The following LDLRAD4 variants were observed in gnomAD, a reference collection of about 807,000 sequenced individuals.
LDLRAD4 encodes the protein low-density lipoprotein receptor class A domain-containing protein 4.
LDLRAD4 carries 5 observed loss-of-function variants against 17.0 expected under a neutral mutation model. That is an observed-to-expected ratio of 0.29 (90% confidence interval 0.15 to 0.62). LDLRAD4 has a LOEUF of 0.62. Ranked by LOEUF, LDLRAD4 falls within the 20% of genes least tolerant of loss-of-function variation. The pLI, the probability that LDLRAD4 is intolerant of heterozygous loss-of-function variation, is 0.84. For missense variants in LDLRAD4, 340 were observed against 424.7 expected (o/e 0.80, Z 1.75); for synonymous variants, 168 against 171.8 (o/e 0.98, Z 0.17).
intron 2 of LDLRAD4, among the ~76,000 whole-genome samples, chr18:13,407,372 A>G (rs1309149133): frequency 6.6e-6 from 1 of 152,202 alleles, no homozygotes; most frequent in East Asian, 1.9e-4. Flanking sequence ...ATCCCGAGTA[A>G]ATCTACCCAG....
chr18:13,528,264 G>A (rs1411964597), intron 3 of LDLRAD4, among the ~76,000 whole-genome samples: 2 of 152,174 alleles, frequency 1.3e-5, no homozygotes, highest in Non-Finnish European at 2.9e-5. Flanking sequence ...AGCTGGAGAC[G>A]CCTTACCTGC....
chr18:13,460,617 T>G (rs531103713), intron 3 of LDLRAD4, among the ~76,000 whole-genome samples: 51 of 152,284 alleles, frequency 3.3e-4, no homozygotes, highest in South Asian at 6.2e-4. Flanking sequence ...TCATATCTGA[T>G]GAGAAGGTAG....
intron 3 of LDLRAD4, among the ~76,000 whole-genome samples, chr18:13,528,470 G>A (rs954106521): frequency 6.5e-4 from 99 of 152,182 alleles, no homozygotes; most frequent in African/African-American, 2.2e-3. Context: ...GCACCACCAC[G>A]CCTGGCTAAT....
chr18:13,423,418 G>A (rs1271022342), intron 2 of LDLRAD4, among the ~76,000 whole-genome samples: 1 of 151,908 alleles, frequency 6.6e-6, no homozygotes, highest in African/African-American at 2.4e-5. Flanking sequence ...TCTTGAACCC[G>A]GGAGGCAGAG....
At chr18:13,466,134 T>C (rs2092608333) in intron 3 of LDLRAD4, among the ~76,000 whole-genome samples, 1 of 152,202 alleles carries the variant, frequency 6.6e-6, no homozygotes. Flanking sequence ...ACACATAGTT[T>C]GCAATTAGTT....
intron 3 of LDLRAD4, among the ~76,000 whole-genome samples, chr18:13,600,708 G>C (rs1334202444): frequency 6.6e-6 from 1 of 152,158 alleles, no homozygotes; most frequent in Admixed American, 6.5e-5. Context: ...TGATAGACTG[G>C]TTTGGAAAAT....
intron 4 of LDLRAD4, among the ~76,000 whole-genome samples, chr18:13,625,720 GC>G (rs1281993711): frequency 7.9e-5 from 2 of 25,292 alleles, no homozygotes; most frequent in Non-Finnish European, 1.6e-4. Flanking sequence ...TCCTCCCCCT[GC>G]CAGCACCCTC....
chr18:13,500,913 A>C (rs892979220), intron 3 of LDLRAD4: 1 of 152,184 alleles, frequency 6.6e-6, no homozygotes, highest in African/African-American at 2.4e-5. Context: ...TCTGACCCAT[A>C]AATTATTCTA....
intron 4 of LDLRAD4, chr18:13,642,483 C>T (rs1290109196): frequency 1.6e-6 from 2 of 1,213,754 alleles, no homozygotes; most frequent in Non-Finnish European, 2.0e-6. Flanking sequence ...TCTGGCCAAA[C>T]GTTTTTGAAA....
At chr18:13,293,300 T>C (rs1379796342) in intron 1 of LDLRAD4, among the ~76,000 whole-genome samples, 1 of 152,226 alleles carries the variant, frequency 6.6e-6, no homozygotes, top group Non-Finnish European at 1.5e-5. Flanking sequence ...TTTTGCCACA[T>C]AGACGACCTG....
Position 13,645,339 on chromosome 18 carries a change from C to T in LDLRAD4, c.603C>T (p.Asn201=), listed in dbSNP as rs1484596679. ...ACCCTGAACAGCAGATGGAACTCAA[C>T]CGAGAGTCCGTGAGGGCCCCACCCA... Residue 201 remains asparagine, a synonymous_variant, in exon 6 of 6, where the codon AAC becomes AAT. Coordinates refer to ENST00000359446, the Ensembl canonical transcript of LDLRAD4. This position sits in a 1 kb window ranked among gnomAD's most constrained non-coding sequence, Gnocchi z 5.7. 3 of 1,614,228 alleles carry T rather than the reference C, an allele frequency of 1.9e-6. No individual in the cohort carries two copies. Among genetic ancestry groups the T allele is most frequent in the Admixed American group, 1.7e-5 (1 of 60,030 alleles).
chr18:13,359,888 T>C (rs1307723248), intron 1 of LDLRAD4, among the ~76,000 whole-genome samples: 1 of 152,282 alleles, frequency 6.6e-6, no homozygotes, highest in Non-Finnish European at 1.5e-5. Context: ...GACGCTGTTC[T>C]TGGCTTATGT....
intron 3 of LDLRAD4, among the ~76,000 whole-genome samples, chr18:13,575,252 A>G (rs1428167540): frequency 3.3e-5 from 5 of 152,070 alleles, no homozygotes; most frequent in Non-Finnish European, 7.4e-5. Flanking sequence ...TGAGTCCCCA[A>G]AGTCCATTGT....
chr18:13,366,375 G>A (rs898934629), intron 1 of LDLRAD4: 2 of 152,194 alleles, frequency 1.3e-5, no homozygotes, highest in African/African-American at 4.8e-5. Flanking sequence ...GGATAATCCC[G>A]GGCATGGTTT....
chr18:13,573,088 A>G (rs1568356832), intron 3 of LDLRAD4, among the ~76,000 whole-genome samples: 1 of 152,038 alleles, frequency 6.6e-6, no homozygotes, highest in East Asian at 1.9e-4. Context: ...CCTTTATTTT[A>G]TTTTATTTTT....
chr18:13,428,283 G>T (rs898680887), intron 2 of LDLRAD4, among the ~76,000 whole-genome samples: 6 of 152,152 alleles, frequency 3.9e-5, no homozygotes, highest in African/African-American at 1.2e-4. Flanking sequence ...ATGTTTGCAC[G>T]AAGGCCTGAT....
Position 13,247,960 on chromosome 18 carries a change from CTTTTTT to C in LDLRAD4, c.-467+28984_-467+28989del, listed in dbSNP as rs34516593. ...AACTGCACACAGCGCCGCCCCCCGC[CTTTTTT>C]TTTTTTTTTTTAAAGACAGAGTCTC... On this transcript the variant is annotated intron_variant, in intron 1 of 5. Coordinates refer to the LDLRAD4 transcript ENST00000399848. 1.1e-4 allele frequency among the ~76,000 whole-genome samples: 14 copies of C among 132,000 alleles called. No homozygotes were observed. In the South Asian group the frequency reaches 2.9e-3, roughly 28 times the overall value. 86.6% of individuals were successfully genotyped at this position (132,000 alleles called of 152,430 possible). A position where few individuals can be genotyped will look rare whatever the true frequency, so the allele number is the denominator to read the frequency against.
At chr18:13,366,766 C>T (rs555871165) in intron 1 of LDLRAD4, among the ~76,000 whole-genome samples, 4 of 152,298 alleles carry the variant, frequency 2.6e-5, no homozygotes, top group East Asian at 1.9e-4. Flanking sequence ...GCACCCACCA[C>T]GGGCCAGTGG....
chr18:13,623,500 C>T (rs2040845730), intron 4 of LDLRAD4, among the ~76,000 whole-genome samples: 1 of 152,220 alleles, frequency 6.6e-6, no homozygotes, highest in Admixed American at 6.5e-5. Flanking sequence ...GGAGCTGTCC[C>T]TCCTCGAGGT....
Sources: gnomAD v4.1 joint callset for allele counts (sites outside exome capture counted in the v4.1 genomes callset) on GRCh38, gnomAD v4.1.1 for gene constraint, Gnocchi (gnomAD v3.1) non-coding constraint, MANE v1.5 for transcripts, NCBI Gene and HGNC (gene_info 2026-07-23, HGNC 2026-07-21) for gene names.